The following ZBTB8A variants were observed in gnomAD, a reference collection of about 807,000 sequenced individuals.
ZBTB8A encodes zinc finger and BTB domain-containing protein 8A.
Under a neutral mutation model 37.8 loss-of-function variants are expected in ZBTB8A, and 19 were observed. That is an observed-to-expected ratio of 0.50 (90% CI 0.35 to 0.74). The LOEUF (loss-of-function observed/expected upper bound fraction) is 0.74, where lower values mean the gene tolerates loss of function less well. Ranked by LOEUF, ZBTB8A falls within the 30% of genes least tolerant of loss-of-function variation. The probability of loss-of-function intolerance (pLI) is 0.01; values close to 1 mark genes in which losing one functional copy is unlikely to be tolerated. For synonymous variants in ZBTB8A, 181 were observed against 185.2 expected (o/e 0.98, Z 0.19); for missense variants, 394 against 537.8 (o/e 0.73, Z 2.65).
chr1:32,578,231 A>ATTTAT (rs1362749752), intron 2 of ZBTB8A, among the ~76,000 whole-genome samples: 16 of 135,092 alleles, frequency 1.2e-4, no homozygotes, highest in Non-Finnish European at 2.2e-4. Flanking sequence ...CTCCTGGCTA[A>ATTTAT]TTTTTTTTTT....
At chr1:32,573,364 G>A (rs1395857830) in intron 2 of ZBTB8A, among the ~76,000 whole-genome samples, 3 of 146,832 alleles carry the variant, frequency 2.0e-5, no homozygotes, top group African/African-American at 5.0e-5. Flanking sequence ...GTGAGCCACC[G>A]CGCCTGGCCC....
chr1:32,577,135 A>C (rs1644366717), intron 2 of ZBTB8A, among the ~76,000 whole-genome samples: 3 of 151,888 alleles, frequency 2.0e-5, no homozygotes, highest in Admixed American at 2.0e-4. Context: ...TGGCCTCCCA[A>C]AGTGCTGGGA....
chr1:32,578,786 G>A (rs183563383), intron 2 of ZBTB8A, among the ~76,000 whole-genome samples: 19 of 151,958 alleles, frequency 1.3e-4, no homozygotes, highest in Admixed American at 2.6e-4. Flanking sequence ...TGATCATAGC[G>A]CGCTACAGCC....
Position 32,562,121 on chromosome 1 carries a change from G to GTT in ZBTB8A, c.-2+8595_-2+8596dup, listed in dbSNP as rs770827959. On this transcript the variant is annotated intron_variant, in intron 2 of 4. Transcript: ENST00000373510. Reference sequence around the variant, plus strand: ...CCAGCCAATTTTTTAATTTTTGTTTGTTTTTTTTTTTTTTTGTAGAAACGG... The same window carrying GTT: ...CCAGCCAATTTTTTAATTTTTGTTTGTTTTTTTTTTTTTTTTTGTAGAAACGG... Among the ~76,000 whole-genome samples, 269 of 129,890 alleles carry GTT rather than the reference G, an allele frequency of 2.1e-3. 2 individuals carry two copies. Among genetic ancestry groups the GTT allele is most frequent in the African/African-American group, 4.3e-3 (155 of 35,910 alleles). The allele number at this position is 129,890 out of a possible 152,430, so 85.2% of individuals were successfully genotyped here.
intron 2 of ZBTB8A, among the ~76,000 whole-genome samples, chr1:32,577,103 A>G (rs1334780250): frequency 6.6e-6 from 1 of 150,554 alleles, no homozygotes; most frequent in Non-Finnish European, 1.5e-5. Flanking sequence ...TCGACTCTTG[A>G]CCTCAGGTGA....
intron 2 of ZBTB8A, among the ~76,000 whole-genome samples, chr1:32,573,955 A>G (rs1200858583): frequency 6.6e-6 from 1 of 151,646 alleles, no homozygotes; most frequent in Non-Finnish European, 1.5e-5. Context: ...GCGTGCCTGT[A>G]ATCCCAGCTA....
At chr1:32,555,250 G>A (rs1030385132) in intron 2 of ZBTB8A, among the ~76,000 whole-genome samples, 9 of 152,094 alleles carry the variant, frequency 5.9e-5, no homozygotes, top group Admixed American at 3.9e-4. Context: ...TTAGCCGGGC[G>A]TGGTGGCAGG....
At chr1:32,583,199 T>C (rs940051885) in intron 2 of ZBTB8A, among the ~76,000 whole-genome samples, 2 of 151,638 alleles carry the variant, frequency 1.3e-5, no homozygotes, top group Non-Finnish European at 2.9e-5. Flanking sequence ...TGGGAAACAG[T>C]GAAACCCCAT....
At chr1:32,567,254 A>G (rs28490395) in intron 2 of ZBTB8A, among the ~76,000 whole-genome samples, 20,155 of 151,934 alleles carry the variant, frequency 0.13, 1,572 homozygotes, top group African/African-American at 0.23. Context: ...CAGATCTCGT[A>G]AGAACTCACA....
chr1:32,546,933 G>T lies in ZBTB8A; in HGVS notation c.-83-6526G>T, dbSNP rs888632708. 6.6e-5 allele frequency among the ~76,000 whole-genome samples: 10 copies of T among 151,716 alleles called. 1 individual carries two copies. The highest frequency in any genetic ancestry group is 2.2e-4 in the African/African-American group (9 of 41,320). On this transcript the variant is annotated intron_variant, in intron 1 of 4. Coordinates refer to ENST00000373510, the MANE Select transcript of ZBTB8A (RefSeq NM_001040441.3). ...GTTTTTGTTTTTGAGACAGGGTCTT[G>T]CCCTGTTGCCCAGGCTGGAGTGCAG... is the stretch of plus-strand genomic sequence containing the variant.
chr1:32,583,290 G>A (rs1271351287), intron 2 of ZBTB8A, among the ~76,000 whole-genome samples: 1 of 151,354 alleles, frequency 6.6e-6, no homozygotes, highest in African/African-American at 2.4e-5. Context: ...TGAGGTAGGA[G>A]GATTGCTTGA....
chr1:32,599,492 A>T (rs1282225921), intron 4 of ZBTB8A, among the ~76,000 whole-genome samples: 1 of 152,056 alleles, frequency 6.6e-6, no homozygotes, highest in African/African-American at 2.4e-5. Flanking sequence ...GCCGAGGCAG[A>T]CAGATGACGA....
At position 32,593,731 on chromosome 1, in the gene ZBTB8A, A is replaced by T; in HGVS notation, c.800A>T (p.Asp267Val). Residue 267 changes from aspartate (D) to valine (V), a missense_variant, in exon 3 of 5, where the codon GAT (aspartate) becomes GTT (valine). By Grantham distance (152) the Asp-to-Val change is radical (BLOSUM62 -3). Transcript: ENST00000373510. Reference protein sequence around the residue: ...PVGYQYGQGSDVTSKSFPDDL... With the variant: ...PVGYQYGQGSVVTSKSFPDDL... ...GGCTATCAGTACGGTCAAGGATCTG[A>T]TGTCACATCCAAAAGCTTTCCAGGT... 1 of 1,611,446 alleles carries T rather than the reference A, an allele frequency of 6.2e-7. No individual in the cohort carries two copies. The highest frequency in any genetic ancestry group is 8.5e-7 in the Non-Finnish European group (1 of 1,178,882).
chr1:32,575,195 G>A (rs1557710329), intron 2 of ZBTB8A, among the ~76,000 whole-genome samples: 1 of 120,518 alleles, frequency 8.3e-6, no homozygotes, highest in African/African-American at 3.1e-5. Flanking sequence ...TTTTTTTAAT[G>A]TCTTTTGTTC....
intron 2 of ZBTB8A, among the ~76,000 whole-genome samples, chr1:32,587,452 G>A (rs1644458176): frequency 6.6e-6 from 1 of 151,548 alleles, no homozygotes; most frequent in African/African-American, 2.4e-5. Flanking sequence ...ATTTAGGATG[G>A]AGGTGAACAA....
chr1:32,569,598 T>C (rs1438472715), intron 2 of ZBTB8A, among the ~76,000 whole-genome samples: 1 of 151,876 alleles, frequency 6.6e-6, no homozygotes, highest in South Asian at 2.1e-4. Context: ...TTCACCGTGT[T>C]AGCCAGGATG....
intron 1 of ZBTB8A, among the ~76,000 whole-genome samples, chr1:32,552,296 C>G (rs1056837346): frequency 2.0e-5 from 3 of 152,078 alleles, no homozygotes; most frequent in African/African-American, 4.8e-5. Flanking sequence ...CCTGGGAGAT[C>G]AAGGCTGCAG....
intron 1 of ZBTB8A, among the ~76,000 whole-genome samples, chr1:32,545,400 C>T (rs1004132716): frequency 9.9e-5 from 15 of 152,018 alleles, no homozygotes; most frequent in Admixed American, 3.9e-4. Flanking sequence ...TTTATTTTAG[C>T]GATTATCTTA....
At chr1:32,553,757 A>G (rs1644176235) in intron 2 of ZBTB8A, among the ~76,000 whole-genome samples, 1 of 151,940 alleles carries the variant, frequency 6.6e-6, no homozygotes, top group Non-Finnish European at 1.5e-5. Flanking sequence ...ATGGTGGCAC[A>G]TGCCTGTAAT....
Sources: allele counts gnomAD v4.1 joint callset (sites outside exome capture counted in the v4.1 genomes callset), GRCh38; gene constraint gnomAD v4.1.1; transcripts MANE v1.5; gene names NCBI Gene and HGNC (gene_info 2026-07-23, HGNC 2026-07-21).